COL4A2: variants seen among roughly 807,000 people sequenced by gnomAD.
COL4A2 encodes the protein collagen alpha-2(IV) chain.
In COL4A2, 99 loss-of-function variants were observed where a neutral mutation model predicts 200.2. That is an observed-to-expected ratio of 0.49 (90% CI 0.42 to 0.58). COL4A2 has a LOEUF of 0.58. Ranked by LOEUF, COL4A2 falls within the 20% of genes least tolerant of loss-of-function variation. COL4A2 has a pLI of 0.00. For synonymous variants in COL4A2, 897 were observed against 900.6 expected, an observed-to-expected ratio of 1.00 and a Z score of 0.07; for missense variants, 1,950 against 2,314.1, an observed-to-expected ratio of 0.84 and a Z score of 3.23.
intron 28 of COL4A2, among the ~76,000 whole-genome samples, chr13:110,470,574 C>A (rs1882431362): frequency 6.6e-6 from 1 of 152,148 alleles, no homozygotes. Context: ...TCGTTCCATG[C>A]CCTTGGAATT....
In COL4A2 at chr13:110,307,777, C is replaced by G. The variant is rs766856450; in HGVS notation, c.-44-83C>G. 8 of 1,313,476 alleles carry G rather than the reference C, an allele frequency of 6.1e-6. No individual in the cohort carries two copies. The highest frequency in any genetic ancestry group is 2.5e-5 in the Admixed American group (1 of 40,260). 81.4% of individuals were successfully genotyped at this position (1,313,476 alleles called of 1,614,324 possible). On this transcript the variant is annotated intron_variant, in intron 1 of 47. Coordinates refer to ENST00000360467, the MANE Select transcript of COL4A2 (RefSeq NM_001846.4). This position sits in a 1 kb window ranked among gnomAD's most constrained non-coding sequence, Gnocchi z 5.0. ...TGCGGGCCGCGCACCGCGCTGTCCCCGCGTCTCGCGGACCGAGACCGGCGG... is the reference window on the plus strand; with the variant it reads ...TGCGGGCCGCGCACCGCGCTGTCCCGGCGTCTCGCGGACCGAGACCGGCGG...
intron 3 of COL4A2, among the ~76,000 whole-genome samples, chr13:110,344,650 C>CA (rs1313625618): frequency 1.3e-5 from 2 of 152,138 alleles, no homozygotes; most frequent in African/African-American, 4.8e-5. Flanking sequence ...TACGAGACCC[C>CA]AGGGCCGCAG....
At chr13:110,333,311 G>GA (rs1478588951) in intron 3 of COL4A2, among the ~76,000 whole-genome samples, 1 of 152,112 alleles carries the variant, frequency 6.6e-6, no homozygotes, top group Non-Finnish European at 1.5e-5. Context: ...CCTATTCTTG[G>GA]AAAACATTAG....
At chr13:110,441,259 T>G (rs1239705400) in intron 16 of COL4A2, among the ~76,000 whole-genome samples, 1 of 152,124 alleles carries the variant, frequency 6.6e-6, no homozygotes, top group African/African-American at 2.4e-5. Context: ...GTACAGAAGC[T>G]CGGCAGGCCT....
chr13:110,497,903 C>T (rs111751665), intron 40 of COL4A2, among the ~76,000 whole-genome samples: 9 of 45,320 alleles, frequency 2.0e-4, no homozygotes, highest in East Asian at 7.7e-4. Flanking sequence ...TCCACCAGCA[C>T]AGCCTCAGTC....
intron 13 of COL4A2, 36 bp downstream of exon 13, chr13:110,436,403 T>TA (rs760723406): frequency 2.5e-6 from 4 of 1,592,046 alleles, no homozygotes; most frequent in Middle Eastern, 1.7e-4. Context: ...ATAGTTGAAA[T>TA]AAAAAAAGGA....
rs970566048 is a variant in COL4A2, at chr13:110,509,264, TATATATACACAC to T, written c.4881+1045_4881+1056del. 5.9e-5 allele frequency among the ~76,000 whole-genome samples: 7 copies of T among 119,098 alleles called. No homozygotes were observed. In the South Asian group the frequency reaches 8.0e-4, roughly 14 times the overall value. The allele number at this position is 119,098 out of a possible 152,430, so 78.1% of individuals were successfully genotyped here. On this transcript the variant is annotated intron_variant, in intron 47 of 47. Transcript: ENST00000360467. The stretch of plus-strand genomic sequence containing the variant: ...CATAAATTATATATATATATATATA[TATATATACACAC>T]ACACACACACACACACACACAACAT...
intron 3 of COL4A2, among the ~76,000 whole-genome samples, chr13:110,356,659 A>G (rs201498637): frequency 2.0e-3 from 302 of 152,320 alleles, no homozygotes; most frequent in African/African-American, 7.0e-3. Flanking sequence ...CATGCATGCC[A>G]CAGGCCTGCT....
At chr13:110,336,984 A>C (rs1876220957) in intron 3 of COL4A2, among the ~76,000 whole-genome samples, 1 of 152,224 alleles carries the variant, frequency 6.6e-6, no homozygotes, top group Non-Finnish European at 1.5e-5. Flanking sequence ...TTACATCAGA[A>C]GTTCCCAAAT....
chr13:110,469,040 A>G (rs1345241389), intron 27 of COL4A2, among the ~76,000 whole-genome samples, 177 bp from the exon 28 acceptor site: 3 of 152,194 alleles, frequency 2.0e-5, no homozygotes, highest in African/African-American at 2.4e-5. Flanking sequence ...CGTAAACAGG[A>G]TTTTAAACAC....
chr13:110,378,805 A>G (rs1215164967), intron 4 of COL4A2, among the ~76,000 whole-genome samples: 1 of 152,194 alleles, frequency 6.6e-6, no homozygotes, highest in Non-Finnish European at 1.5e-5. Context: ...TGACCTAGAC[A>G]GTCCTTAGAC....
rs1434887190 is a variant in COL4A2 at position 110,337,034 on chromosome 13, A to G, written c.100-20438A>G. 3.9e-4 allele frequency among the ~76,000 whole-genome samples: 60 copies of G among 152,224 alleles called. 1 individual carries two copies. The highest frequency in any genetic ancestry group is 3.9e-3 in the Admixed American group (60 of 15,286). On this transcript the variant is annotated intron_variant, in intron 3 of 47. Transcript: ENST00000360467. Reference sequence around the variant, plus strand: ...TGCACTGGTTAGCAATGCAGTTTTCAAAGTTCCAAGGAGAAATGAGGGGAA... The same window carrying G: ...TGCACTGGTTAGCAATGCAGTTTTCGAAGTTCCAAGGAGAAATGAGGGGAA...
intron 3 of COL4A2, among the ~76,000 whole-genome samples, chr13:110,344,658 C>T (rs145949937): frequency 6.6e-4 from 101 of 152,280 alleles, no homozygotes; most frequent in African/African-American, 2.3e-3. Flanking sequence ...CCCAGGGCCG[C>T]AGTATTCTCT....
intron 4 of COL4A2, among the ~76,000 whole-genome samples, chr13:110,407,276 A>G (rs998154012): frequency 6.6e-6 from 1 of 152,200 alleles, no homozygotes; most frequent in African/African-American, 2.4e-5. Flanking sequence ...CGCCTGGGAC[A>G]CTGAAGAAGT....
intron 26 of COL4A2, among the ~76,000 whole-genome samples, chr13:110,466,778 A>G (rs569801102): frequency 1.3e-5 from 2 of 152,274 alleles, no homozygotes; most frequent in South Asian, 4.1e-4. Flanking sequence ...GAGGGAATCA[A>G]TTGTTTGCCA....
intron 4 of COL4A2, among the ~76,000 whole-genome samples, chr13:110,408,693 C>T (rs182176858): frequency 5.9e-5 from 9 of 152,244 alleles, no homozygotes; most frequent in East Asian, 5.8e-4. Context: ...AACATCCTTG[C>T]GGCATTGCTC....
intron 5 of COL4A2, 38 bp downstream of exon 5, chr13:110,424,906 G>A: frequency 1.2e-6 from 2 of 1,614,220 alleles, no homozygotes; most frequent in Non-Finnish European, 1.7e-6. Context: ...CCTCATGAGG[G>A]TGGCGGGTAT....
intron 39 of COL4A2, among the ~76,000 whole-genome samples, chr13:110,494,847 G>A (rs910314531): frequency 1.3e-5 from 2 of 152,216 alleles, no homozygotes; most frequent in Non-Finnish European, 2.9e-5. Context: ...TATATTACAC[G>A]TAAATTCACG....
At chr13:110,378,916 T>TCA (rs890186418) in intron 4 of COL4A2, among the ~76,000 whole-genome samples, 1 of 152,068 alleles carries the variant, frequency 6.6e-6, no homozygotes, top group Non-Finnish European at 1.5e-5. Flanking sequence ...GGAAGCTGCT[T>TCA]CATATGAGGC....
Sources: gnomAD v4.1 joint callset for allele counts (sites outside exome capture counted in the v4.1 genomes callset) on GRCh38, gnomAD v4.1.1 for gene constraint, Gnocchi (gnomAD v3.1) non-coding constraint, MANE v1.5 for transcripts, NCBI Gene and HGNC (gene_info 2026-07-23, HGNC 2026-07-21) for gene names.